The following TSPEAR variants were observed in gnomAD, a reference collection of about 807,000 sequenced individuals.
The protein encoded by TSPEAR is thrombospondin-type laminin G domain and EAR repeat-containing protein.
A neutral mutation model predicts 71.6 loss-of-function variants in TSPEAR; 69 were observed. That is an observed-to-expected ratio of 0.96 (90% CI 0.79 to 1.18). The LOEUF (loss-of-function observed/expected upper bound fraction) is 1.18, where lower values mean the gene tolerates loss of function less well. Among genes scored for constraint, TSPEAR ranks in the 50% most tolerant of loss-of-function variants. TSPEAR has a pLI of 0.00. For missense variants in TSPEAR, 971 were observed against 894.9 expected (o/e 1.09, Z -1.09); for synonymous variants, 402 against 387.2 (o/e 1.04, Z -0.45).
intron 1 of TSPEAR, among the ~76,000 whole-genome samples, chr21:44,596,356 C>T (rs948198475): frequency 3.3e-5 from 5 of 152,224 alleles, no homozygotes; most frequent in East Asian, 3.9e-4. Flanking sequence ...TGTCTATACA[C>T]GTGTCACAGT....
chr21:44,539,360 C>A (rs377199619), intron 2 of TSPEAR: 9 of 1,612,380 alleles, frequency 5.6e-6, no homozygotes, highest in Non-Finnish European at 6.8e-6. Flanking sequence ...GGAGGCCGGG[C>A]GGCAGCAGCT....
intron 1 of TSPEAR, chr21:44,627,243 G>T: frequency 6.2e-7 from 1 of 1,612,732 alleles, no homozygotes; most frequent in Non-Finnish European, 8.5e-7. Context: ...ACTGCCCAGA[G>T]AGCTGCTGTG....
At chr21:44,574,758 G>A (rs782374072) in intron 1 of TSPEAR, 4 of 1,613,642 alleles carry the variant, frequency 2.5e-6, no homozygotes, top group Non-Finnish European at 3.4e-6. Flanking sequence ...TGTTTGCTCT[G>A]GGGCTTCCTC....
Position 44,711,216 on chromosome 21 carries a change from C to A in TSPEAR, c.82+217G>T, listed in dbSNP as rs1259249345. ...ACCCTGCGTGCGTTCTAAAGAGCCGCGTTTCTATTGCAACTGCCTGCCCTG... is the reference window on the plus strand; with the variant it reads ...ACCCTGCGTGCGTTCTAAAGAGCCGAGTTTCTATTGCAACTGCCTGCCCTG... On this transcript the variant is annotated intron_variant, in intron 1 of 11. Coordinates refer to ENST00000323084, the MANE Select transcript of TSPEAR (RefSeq NM_144991.3). The surrounding 1 kb of genome is among the most constrained non-coding windows in gnomAD (Gnocchi z 4.5). Among the ~76,000 whole-genome samples the A allele has an allele frequency of 6.6e-6, 1 of 151,878 alleles. No individual in the cohort carries two copies. The highest frequency in any genetic ancestry group is 1.9e-4 in the East Asian group (1 of 5,160).
At chr21:44,662,630 A>G (rs587743315) in intron 1 of TSPEAR, among the ~76,000 whole-genome samples, 16 of 152,354 alleles carry the variant, frequency 1.1e-4, no homozygotes, top group East Asian at 7.7e-4. Flanking sequence ...CCTAATGGAT[A>G]TTGACAGAAC....
chr21:44,509,414 G>C, intron 9 of TSPEAR, 28 bp from the exon 10 acceptor site: 2 of 1,588,338 alleles, frequency 1.3e-6, no homozygotes, highest in Non-Finnish European at 1.7e-6. Flanking sequence ...CAGGTGCAGA[G>C]GTGTGGGGGA....
chr21:44,601,316 T>C (rs782575027), intron 1 of TSPEAR: 2 of 1,611,482 alleles, frequency 1.2e-6, no homozygotes, highest in Non-Finnish European at 1.7e-6. Flanking sequence ...TGTGTGCCTG[T>C]CTGCTGCAAG....
At chr21:44,672,756 G>A (rs1986121889) in intron 1 of TSPEAR, among the ~76,000 whole-genome samples, 1 of 152,046 alleles carries the variant, frequency 6.6e-6, no homozygotes, top group South Asian at 2.1e-4. Flanking sequence ...AGGGGGAGGG[G>A]ATTGGATCAT....
At chr21:44,594,497 T>C (rs1192905493) in intron 1 of TSPEAR, among the ~76,000 whole-genome samples, 3 of 152,232 alleles carry the variant, frequency 2.0e-5, no homozygotes, top group Admixed American at 2.0e-4. Flanking sequence ...AGTCTCACTT[T>C]CACTGTTCTT....
chr21:44,604,902 G>T (rs1468978175), intron 1 of TSPEAR, among the ~76,000 whole-genome samples: 2 of 152,190 alleles, frequency 1.3e-5, no homozygotes, highest in African/African-American at 4.8e-5. Context: ...ATTTATATAT[G>T]TTGAACCATT....
chr21:44,555,825 G>A (rs1351958005), intron 2 of TSPEAR, among the ~76,000 whole-genome samples: 2 of 152,192 alleles, frequency 1.3e-5, no homozygotes, highest in African/African-American at 2.4e-5. Context: ...CCTGGTGGCT[G>A]GGCTGGGAGC....
chr21:44,525,477 G>A (rs2052835680), intron 8 of TSPEAR, among the ~76,000 whole-genome samples, 176 bp downstream of exon 8: 1 of 152,192 alleles, frequency 6.6e-6, no homozygotes, highest in African/African-American at 2.4e-5. Context: ...AGGTGCCCCA[G>A]GGACCACCAG....
chr21:44,625,680 C>T (rs1982725606), intron 1 of TSPEAR, among the ~76,000 whole-genome samples: 2 of 152,358 alleles, frequency 1.3e-5, no homozygotes, highest in Admixed American at 6.5e-5. Context: ...CCCCTTCTCC[C>T]TGTTTTGGGC....
At chr21:44,570,992 A>G (rs1387754172) in intron 1 of TSPEAR, among the ~76,000 whole-genome samples, 1 of 152,242 alleles carries the variant, frequency 6.6e-6, no homozygotes, top group Non-Finnish European at 1.5e-5. Flanking sequence ...ACACCTTCCA[A>G]CACAGAAAAA....
intron 1 of TSPEAR, among the ~76,000 whole-genome samples, chr21:44,625,299 A>G (rs1267432241): frequency 6.6e-6 from 1 of 152,200 alleles, no homozygotes; most frequent in Non-Finnish European, 1.5e-5. Context: ...TGGCACAGAA[A>G]TACTGATGAT....
Position 44,539,844 on chromosome 21 carries a change from C to T in TSPEAR, c.304-5921G>A, listed in dbSNP as rs202108827. 111 of 1,574,130 alleles carry T rather than the reference C, an allele frequency of 7.1e-5. No individual in the cohort carries two copies. The African/African-American group carries it at 7.5e-4, about 11-fold the overall frequency. On this transcript the variant is annotated intron_variant, in intron 2 of 11. Coordinates refer to ENST00000323084, the MANE Select transcript of TSPEAR (RefSeq NM_144991.3). ...AGGCAGCACACAGGCTTGCAGCAGACGGGCACGCAGCAGGCCTGCTGGCAG... is the reference window on the plus strand; with the variant it reads ...AGGCAGCACACAGGCTTGCAGCAGATGGGCACGCAGCAGGCCTGCTGGCAG...
intron 1 of TSPEAR, among the ~76,000 whole-genome samples, chr21:44,625,069 C>A (rs587749631): frequency 6.6e-6 from 1 of 152,180 alleles, no homozygotes; most frequent in African/African-American, 2.4e-5. Flanking sequence ...ATAATGGAAT[C>A]GTTTTCAGAG....
chr21:44,578,236 G>C (rs587640977), intron 1 of TSPEAR, among the ~76,000 whole-genome samples: 4 of 151,920 alleles, frequency 2.6e-5, no homozygotes, highest in African/African-American at 9.7e-5. Context: ...ATATTTAAAG[G>C]AAACCAAACA....
chr21:44,576,393 G>A (rs1202773055), intron 1 of TSPEAR, among the ~76,000 whole-genome samples: 8 of 149,210 alleles, frequency 5.4e-5, no homozygotes, highest in Non-Finnish European at 5.9e-5. Flanking sequence ...ACAGACACAC[G>A]GACGTCCCAG....
Sources: allele counts gnomAD v4.1 joint callset (sites outside exome capture counted in the v4.1 genomes callset), GRCh38; gene constraint gnomAD v4.1.1; non-coding constraint Gnocchi (gnomAD v3.1); transcripts MANE v1.5; gene names NCBI Gene and HGNC (gene_info 2026-07-23, HGNC 2026-07-21).